ARHGEF40: variants seen among roughly 807,000 people sequenced by gnomAD.
ARHGEF40 encodes the protein Rho guanine nucleotide exchange factor (GEF) 40.
In ARHGEF40, 98 loss-of-function variants were observed where a neutral mutation model predicts 165.9. The ratio of observed to expected loss-of-function variants is 0.59; its 90% CI spans 0.50 to 0.70. The LOEUF is 0.70. Among genes scored for constraint, ARHGEF40 ranks in the 30% least tolerant of loss-of-function variants. The probability of loss-of-function intolerance (pLI) is 0.00; values close to 1 mark genes in which losing one functional copy is unlikely to be tolerated. For missense variants in ARHGEF40, 1,815 were observed against 1,968.0 expected, an observed-to-expected ratio of 0.92 and a Z score of 1.47; for synonymous variants, 792 against 814.3, an observed-to-expected ratio of 0.97 and a Z score of 0.47.
intron 9 of ARHGEF40, 24 bp downstream of exon 9, chr14:21,078,296 G>A (rs765803391): frequency 6.2e-7 from 1 of 1,611,436 alleles, no homozygotes; most frequent in Admixed American, 1.7e-5. Context: ...TGGGACAGTG[G>A]GGGGATGGGA....
the ARHGEF40 span, among the ~76,000 whole-genome samples, chr14:21,065,002 T>G: frequency 1.3e-5 from 2 of 151,802 alleles, no homozygotes; most frequent in African/African-American, 4.8e-5. Flanking sequence ...GAAACCACAT[T>G]TCTACTAAAA....
chr14:21,084,847 A>G lies in ARHGEF40; in HGVS notation c.3884A>G (p.Glu1295Gly). The G allele has an allele frequency of 6.2e-7, 1 of 1,614,130 alleles. No individual in the cohort carries two copies. The highest frequency in any genetic ancestry group is 8.5e-7 in the Non-Finnish European group (1 of 1,180,022). Reference protein sequence around the residue: ...KKCLRHVFLFEHLLLFSKLKG... With the variant: ...KKCLRHVFLFGHLLLFSKLKG... ...TGCCTTCGCCATGTCTTTCTCTTCG[A>G]GCATCTCCTCCTGTTCAGCAAGCTC... Residue 1295 changes from glutamate (E) to glycine (G), a missense_variant, in exon 18 of 24, where the codon GAG (glutamate) becomes GGG (glycine). By Grantham distance (98) the Glu-to-Gly change is moderately conservative (BLOSUM62 -2). Coordinates refer to ENST00000298694, the MANE Select transcript of ARHGEF40 (RefSeq NM_018071.5).
Position 21,073,206 on chromosome 14 carries a change from C to T in ARHGEF40, c.165C>T (p.Ala55=), listed in dbSNP as rs1566521205. 1.2e-6 allele frequency: 2 copies of T among 1,613,398 alleles called. No homozygotes were observed. Among genetic ancestry groups the T allele is most frequent in the Non-Finnish European group, 8.5e-7 (1 of 1,179,814 alleles). ...LRYTLDFLVP[A]KHLLAKVQQE... ...ACACGCTGGACTTCCTGGTACCAGCCAAGCACCTGCTTGCCAAGGTCCAGC... is the reference window on the plus strand; with the variant it reads ...ACACGCTGGACTTCCTGGTACCAGCTAAGCACCTGCTTGCCAAGGTCCAGC... The change falls in exon 2 of 24, where the codon GCC becomes GCT. Residue 55 remains alanine (A), a synonymous_variant. Coordinates refer to ENST00000298694, the MANE Select transcript of ARHGEF40 (RefSeq NM_018071.5). This position sits in a 1 kb window ranked among gnomAD's most constrained non-coding sequence, Gnocchi z 4.6.
intron 16 of ARHGEF40, among the ~76,000 whole-genome samples, chr14:21,083,414 G>A (rs1169660421): frequency 3.9e-5 from 6 of 151,950 alleles, no homozygotes; most frequent in East Asian, 3.9e-4. Context: ...GCCAGGCGTG[G>A]TGGCGGGCAC....
the ARHGEF40 span, among the ~76,000 whole-genome samples, chr14:21,063,873 ACCTATGGAGATAGCTTGT>A: frequency 1.1e-4 from 16 of 152,338 alleles, no homozygotes; most frequent in African/African-American, 3.8e-4. Flanking sequence ...GAGGGAATTT[ACCTATGGAGATAGCTTGT>A]CCCATTTTCA....
chr14:21,082,357 C>T lies in ARHGEF40; in HGVS notation c.3365C>T (p.Thr1122Ile), dbSNP rs1887995684. 1 of 1,611,986 alleles carries T rather than the reference C, an allele frequency of 6.2e-7. No homozygotes were observed. The highest frequency in any genetic ancestry group is 8.5e-7 in the Non-Finnish European group (1 of 1,179,816). ...GPELTPELRG[T>I]WAAALSARER... Reference sequence around the variant, plus strand: ...GAGCTGACGCCTGAACTTCGGGGCACCTGGGCTGCTGCCCTGAGTGCCCGG... The same window carrying T: ...GAGCTGACGCCTGAACTTCGGGGCATCTGGGCTGCTGCCCTGAGTGCCCGG... The change falls in exon 15 of 24, where the codon ACC becomes ATC. Residue 1122 changes from threonine to isoleucine, a missense_variant. Transcript: ENST00000298694.
chr14:21,062,459 T>A, the ARHGEF40 span, among the ~76,000 whole-genome samples: 4 of 152,258 alleles, frequency 2.6e-5, no homozygotes, highest in East Asian at 7.7e-4. Context: ...TTGGGTTATT[T>A]TTCTGACTTG....
rs1566530671 is a variant in ARHGEF40 at position 21,080,239 on chromosome 14, CA to C, written c.2374-420del. Among the ~76,000 whole-genome samples, 330 of 117,868 alleles carry C rather than the reference CA, an allele frequency of 2.8e-3. 1 individual carries two copies. Among genetic ancestry groups the C allele is most frequent in the South Asian group, 0.025 (83 of 3,368 alleles). 77.3% of individuals were successfully genotyped at this position (117,868 alleles called of 152,430 possible). A position where few individuals can be genotyped will look rare whatever the true frequency, so the allele number is the denominator to read the frequency against. On this transcript the variant is annotated intron_variant, in intron 11 of 23. Transcript: ENST00000298694. Reference sequence around the variant, plus strand: ...ACACACACACACACACACACACACACACACACACACCCCTTCTGTACTGTTT... The same window carrying C: ...ACACACACACACACACACACACACACCACACACACCCCTTCTGTACTGTTT...
chr14:21,084,142 G>A (rs1205529041), intron 17 of ARHGEF40, 92 bp downstream of exon 17: 12 of 1,323,896 alleles, frequency 9.1e-6, no homozygotes, highest in Non-Finnish European at 1.2e-5. Flanking sequence ...CAGGCTCCAG[G>A]TCAGAGGGCT....
At chr14:21,082,645 G>A (rs145340222) in intron 15 of ARHGEF40, among the ~76,000 whole-genome samples, 167 bp downstream of exon 15, 334 of 152,290 alleles carry the variant, frequency 2.2e-3, no homozygotes, top group Non-Finnish European at 3.6e-3. Context: ...CAGCCTCTGC[G>A]CCCTGCTCTC....
intron 16 of ARHGEF40, among the ~76,000 whole-genome samples, chr14:21,083,514 C>T (rs1888099149): frequency 6.6e-6 from 1 of 152,186 alleles, no homozygotes; most frequent in Non-Finnish European, 1.5e-5. Context: ...TGTGCCACTG[C>T]ACTCCAGCCT....
In ARHGEF40 at chr14:21,082,053, G is replaced by A. The variant is rs114591848; in HGVS notation, c.3185G>A (p.Arg1062Gln). 5.3e-4 allele frequency: 826 copies of A among 1,560,526 alleles called. 1 individual carries two copies. The East Asian group carries it at 7.3e-3, about 14-fold the overall frequency. The change falls in exon 14 of 24, where the codon CGG (arginine) becomes CAG (glutamine). Residue 1062 changes from arginine to glutamine, a missense_variant. By Grantham distance (43) the Arg-to-Gln change is conservative. Coordinates refer to ENST00000298694, the MANE Select transcript of ARHGEF40 (RefSeq NM_018071.5). ...CCACGGGAACACGTGCTGCTGGGCCGGGCTAGGGGGCCAGACGGACCCTGG... is the reference window on the plus strand; with the variant it reads ...CCACGGGAACACGTGCTGCTGGGCCAGGCTAGGGGGCCAGACGGACCCTGG... Reference protein sequence around the residue: ...CSPREHVLLGRARGPDGPWGV... With the variant: ...CSPREHVLLGQARGPDGPWGV...
In ARHGEF40 at chr14:21,070,340, T is replaced by G. The variant is rs1010594296; in HGVS notation, c.-57T>G. ...GACACGAGCGGCGGGAGGGAGGCGGTGGCGCGCCCGGCCCCGCCCGCCCGA... is the reference window on the plus strand; with the variant it reads ...GACACGAGCGGCGGGAGGGAGGCGGGGGCGCGCCCGGCCCCGCCCGCCCGA... On this transcript the variant is annotated 5_prime_UTR_variant, in exon 1 of 24. Coordinates refer to ENST00000298694, the MANE Select transcript of ARHGEF40 (RefSeq NM_018071.5). This position sits in a 1 kb window ranked among gnomAD's most constrained non-coding sequence, Gnocchi z 4.7. 1 of 1,399,046 alleles carries G rather than the reference T, an allele frequency of 7.1e-7. No homozygotes were observed. Among genetic ancestry groups the G allele is most frequent in the Non-Finnish European group, 9.2e-7 (1 of 1,081,316 alleles). 86.7% of individuals were successfully genotyped at this position (1,399,046 alleles called of 1,614,324 possible).
At position 21,081,215 on chromosome 14, in the gene ARHGEF40, T is replaced by G. The variant is rs1288469347; in HGVS notation, c.2640+199T>G. On this transcript the variant is annotated intron_variant, in intron 13 of 23. Transcript: ENST00000298694. ...CTGACTGTGCCTCCATAGATCTACC[T>G]CACAGGGCTGCTGTGGGGATTACAC... 19 of 901,414 alleles carry G rather than the reference T, an allele frequency of 2.1e-5. No homozygotes were observed. In the Admixed American group the frequency reaches 5.6e-4, roughly 27 times the overall value. The allele number at this position is 901,414 out of a possible 1,614,324, so 55.8% of individuals were successfully genotyped here. A position where few individuals can be genotyped will look rare whatever the true frequency, so the allele number is the denominator to read the frequency against.
At chr14:21,066,076 G>A (rs1436386148), upstream of ARHGEF40, among the ~76,000 whole-genome samples, 1 of 152,100 alleles carries the variant, frequency 6.6e-6, no homozygotes, top group Non-Finnish European at 1.5e-5. Context: ...TCCAGCCTGG[G>A]CGACAGAGCA....
chr14:21,088,735 A>C lies in ARHGEF40; in HGVS notation c.4519-95A>C, dbSNP rs374155552. ...TTCAAGGATTTTGGGTAGGAAAGAG[A>C]GGTGAATTGACAGGCTTGTGGGGAG... On this transcript the variant is annotated intron_variant, in intron 22 of 23. Transcript: ENST00000298694. The C allele has an allele frequency of 4.7e-6, 6 of 1,288,754 alleles. No individual in the cohort carries two copies. In the African/African-American group the frequency reaches 6.0e-5, roughly 13 times the overall value. The allele number at this position is 1,288,754 out of a possible 1,614,324, so 79.8% of individuals were successfully genotyped here. A position where few individuals can be genotyped will look rare whatever the true frequency, so the allele number is the denominator to read the frequency against.
At chr14:21,086,682 A>T in intron 19 of ARHGEF40, 1 of 277,320 alleles carries the variant, frequency 3.6e-6, no homozygotes. Context: ...TAAAAATGTG[A>T]GGGTTTGTTT....
chr14:21,063,136 G>C, the ARHGEF40 span, among the ~76,000 whole-genome samples: 1 of 151,734 alleles, frequency 6.6e-6, no homozygotes, highest in African/African-American at 2.4e-5. Context: ...TCTCAAAAAG[G>C]AAACAAAAGC....
At chr14:21,086,885 G>A in intron 19 of ARHGEF40, 116 bp from the exon 20 acceptor site, 1 of 771,090 alleles carries the variant, frequency 1.3e-6, no homozygotes, top group Non-Finnish European at 2.1e-6. Context: ...ATGAAAGGGA[G>A]GAATGAGGAT....
Sources: gnomAD v4.1 joint callset for allele counts (sites outside exome capture counted in the v4.1 genomes callset) on GRCh38, gnomAD v4.1.1 for gene constraint, Gnocchi (gnomAD v3.1) non-coding constraint, MANE v1.5 for transcripts, NCBI Gene and HGNC (gene_info 2026-07-23, HGNC 2026-07-21) for gene names.